The following HERC1 variants were observed in gnomAD, a reference collection of about 807,000 sequenced individuals.
The protein encoded by HERC1 is probable E3 ubiquitin-protein ligase HERC1.
Under a neutral mutation model 554.3 loss-of-function variants are expected in HERC1, and 160 were observed. The observed-to-expected ratio is 0.29, with a 90% CI of 0.25 to 0.33. The LOEUF (loss-of-function observed/expected upper bound fraction) is 0.33. Ranked by LOEUF, HERC1 falls within the 10% of genes least tolerant of loss-of-function variation. The pLI, the probability that HERC1 is intolerant of heterozygous loss-of-function variation, is 1.00. For missense variants in HERC1, 4,919 were observed against 5,918.5 expected, an observed-to-expected ratio of 0.83 and a Z score of 5.54; for synonymous variants, 2,175 against 2,131.7, an observed-to-expected ratio of 1.02 and a Z score of -0.56.
rs908480292 is a variant in HERC1 at position 63,626,172 on chromosome 15, G to T, written c.13106-18C>A. ...TGACACACCTGTCCAGAAAGCAAAT[G>T]GGCACTTATGAAGGAAACAGCATTG... On this transcript the variant is annotated intron_variant, in intron 70 of 77. Transcript: ENST00000443617. 3 of 1,608,204 alleles carry T rather than the reference G, an allele frequency of 1.9e-6. No homozygotes were observed. Among genetic ancestry groups the T allele is most frequent in the Non-Finnish European group, 2.5e-6 (3 of 1,178,430 alleles).
chr15:63,671,328 T>C (rs1220131976), intron 39 of HERC1, among the ~76,000 whole-genome samples: 2 of 151,218 alleles, frequency 1.3e-5, no homozygotes, highest in Non-Finnish European at 2.9e-5. Context: ...ACTATGACTG[T>C]GCTGCTGTAA....
chr15:63,822,598 A>T (rs200172699), intron 1 of HERC1, among the ~76,000 whole-genome samples: 20 of 149,810 alleles, frequency 1.3e-4, no homozygotes, highest in East Asian at 1.2e-3. Flanking sequence ...AAAAAAAAAA[A>T]TTTTTAAATA....
intron 74 of HERC1, among the ~76,000 whole-genome samples, chr15:63,618,469 T>C (rs983479807): frequency 4.0e-5 from 6 of 151,766 alleles, no homozygotes; most frequent in Middle Eastern, 3.2e-3. Context: ...TGGCTTAGGA[T>C]TGACTTGGCA....
chr15:63,720,203 A>C (rs1277706303), intron 19 of HERC1, among the ~76,000 whole-genome samples: 1 of 147,974 alleles, frequency 6.8e-6, no homozygotes, highest in Non-Finnish European at 1.5e-5. Flanking sequence ...CCCTGGGCTC[A>C]AGCGATCCTC....
At chr15:63,793,338 C>A (rs574301916) in intron 1 of HERC1, among the ~76,000 whole-genome samples, 1 of 152,318 alleles carries the variant, frequency 6.6e-6, no homozygotes, top group African/African-American at 2.4e-5. Context: ...CCAAGATGGC[C>A]ACGAAAGTGG....
At chr15:63,788,948 T>C (rs2076539943) in intron 1 of HERC1, among the ~76,000 whole-genome samples, 2 of 151,720 alleles carry the variant, frequency 1.3e-5, no homozygotes, top group South Asian at 2.1e-4. Context: ...AGGAATATAA[T>C]GATGGCTCAA....
At chr15:63,631,944 G>C (rs2068578966) in intron 68 of HERC1, among the ~76,000 whole-genome samples, 1 of 152,066 alleles carries the variant, frequency 6.6e-6, no homozygotes, top group Non-Finnish European at 1.5e-5. Flanking sequence ...GGGTTTTTTA[G>C]ATGATACGAA....
At chr15:63,639,554 T>C (rs1330346068) in intron 61 of HERC1, among the ~76,000 whole-genome samples, 1 of 152,228 alleles carries the variant, frequency 6.6e-6, no homozygotes, top group Non-Finnish European at 1.5e-5. Context: ...TTTACTTAAT[T>C]TATATTTGTC....
At chr15:63,826,797 AAAAAAAAAAAAAAAAAAATATAT>A (rs1164310456) in intron 1 of HERC1, among the ~76,000 whole-genome samples, 33 of 71,434 alleles carry the variant, frequency 4.6e-4, no homozygotes, top group African/African-American at 1.5e-3. Context: ...AAAAAAAAAA[AAAAAAAAAAAAAAAAAAATATAT>A]ATATATATAT....
At chr15:63,764,259 C>A in intron 2 of HERC1, 68 bp from the exon 3 acceptor site, 2 of 1,071,800 alleles carry the variant, frequency 1.9e-6, no homozygotes, top group Non-Finnish European at 2.8e-6. Flanking sequence ...ATTAGTTAAA[C>A]AGTCTACAAA....
intron 75 of HERC1, 66 bp downstream of exon 75, chr15:63,616,364 G>GA: frequency 6.6e-7 from 1 of 1,509,302 alleles, no homozygotes; most frequent in Admixed American, 2.0e-5. Context: ...ATTTTACACA[G>GA]AAAAATTCTA....
chr15:63,801,579 TA>T (rs1376429440), intron 1 of HERC1, among the ~76,000 whole-genome samples: 1 of 152,244 alleles, frequency 6.6e-6, no homozygotes, highest in Non-Finnish European at 1.5e-5. Context: ...ATTTTGCTTA[TA>T]TCCCTAGTGT....
At position 63,718,121 on chromosome 15, in the gene HERC1, C is replaced by CACACACACACACACACAT. The variant is rs140819055; in HGVS notation, c.3978+452_3978+453insATGTGTGTGTGTGTGTGT. Among the ~76,000 whole-genome samples the CACACACACACACACACAT allele has an allele frequency of 4.7e-4, 67 of 143,070 alleles. 1 individual carries two copies. Among genetic ancestry groups the CACACACACACACACACAT allele is most frequent in the Admixed American group, 9.7e-4 (14 of 14,450 alleles). 93.9% of individuals were successfully genotyped at this position (143,070 alleles called of 152,430 possible). A position where few individuals can be genotyped will look rare whatever the true frequency, so the allele number is the denominator to read the frequency against. Reference sequence around the variant, plus strand: ...ACACACACACACACACACACACACACACAACCCCCTCCTTGGTTTTCACTT... The same window carrying CACACACACACACACACAT: ...ACACACACACACACACACACACACACACACACACACACACACATACAACCCCCTCCTTGGTTTTCACTT... On this transcript the variant is annotated intron_variant, in intron 21 of 77. Coordinates refer to ENST00000443617, the MANE Select transcript of HERC1 (RefSeq NM_003922.4). This position sits in a 1 kb window ranked among gnomAD's most constrained non-coding sequence, Gnocchi z 4.2.
chr15:63,754,785 C>T lies in HERC1; in HGVS notation c.1631-137G>A, dbSNP rs115797572. ...TTAATGCAATGCAATATGAAAAACA[C>T]AATCATTTCTAACATCTTCTCAATC... On this transcript the variant is annotated intron_variant, in intron 6 of 77. Transcript: ENST00000443617. 1.3e-3 allele frequency: 1,101 copies of T among 851,992 alleles called. 11 individuals carry two copies. The African/African-American group carries it at 0.017, about 13-fold the overall frequency. 52.8% of individuals were successfully genotyped at this position (851,992 alleles called of 1,614,324 possible). A position where few individuals can be genotyped will look rare whatever the true frequency, so the allele number is the denominator to read the frequency against.
chr15:63,760,244 G>C (rs79718858), intron 3 of HERC1, among the ~76,000 whole-genome samples: 2,557 of 151,782 alleles, frequency 0.017, 68 homozygotes, highest in African/African-American at 0.059. Flanking sequence ...AAAAAACAGA[G>C]GGAGGGAGTC....
chr15:63,665,588 A>C (rs2070588093), intron 42 of HERC1, among the ~76,000 whole-genome samples: 1 of 152,212 alleles, frequency 6.6e-6, no homozygotes, highest in South Asian at 2.1e-4. Flanking sequence ...CCAATATTAA[A>C]ATGAATACTC....
chr15:63,763,558 T>C (rs1240630528), intron 3 of HERC1, among the ~76,000 whole-genome samples: 3 of 150,966 alleles, frequency 2.0e-5, no homozygotes, highest in African/African-American at 7.3e-5. Context: ...ACCTAGAGAT[T>C]AAAATATTTA....
chr15:63,818,314 C>G (rs1380097100), intron 1 of HERC1, among the ~76,000 whole-genome samples: 1 of 152,066 alleles, frequency 6.6e-6, no homozygotes, highest in African/African-American at 2.4e-5. Flanking sequence ...TAAAGCACTC[C>G]GGCTCACTGA....
intron 3 of HERC1, among the ~76,000 whole-genome samples, chr15:63,760,333 A>C (rs1309528131): frequency 1.3e-5 from 2 of 151,698 alleles, no homozygotes; most frequent in Non-Finnish European, 2.9e-5. Context: ...GAAATAAGCA[A>C]CAGAAAAGTA....
Sources: gnomAD v4.1 joint callset for allele counts (sites outside exome capture counted in the v4.1 genomes callset) on GRCh38, gnomAD v4.1.1 for gene constraint, Gnocchi (gnomAD v3.1) non-coding constraint, MANE v1.5 for transcripts, NCBI Gene and HGNC (gene_info 2026-07-23, HGNC 2026-07-21) for gene names.